The following TMEM106C variants were observed in gnomAD, a reference collection of about 807,000 sequenced individuals.
The protein encoded by TMEM106C is transmembrane protein 106C, also known as endoplasmic reticulum membrane protein overexpressed in cancer.
TMEM106C carries 27 observed loss-of-function variants against 30.8 expected under a neutral mutation model. The observed-to-expected ratio is 0.88, with a 90% CI of 0.65 to 1.21. The LOEUF (loss-of-function observed/expected upper bound fraction) is 1.21. Ranked by LOEUF, TMEM106C falls within the 50% of genes most tolerant of loss-of-function variation. The probability of loss-of-function intolerance (pLI) is 0.00; values close to 1 mark genes in which losing one functional copy is unlikely to be tolerated. For synonymous variants in TMEM106C, 123 were observed against 118.8 expected (o/e 1.04, Z -0.23); for missense variants, 288 against 307.8 (o/e 0.94, Z 0.48).
At chr12:47,965,222 C>G (rs537817537) in intron 2 of TMEM106C, 60 bp from the exon 3 acceptor site, 11 of 1,384,136 alleles carry the variant, frequency 7.9e-6, no homozygotes, top group Non-Finnish European at 1.1e-5. Context: ...TCAAGTGAGA[C>G]GTGAAGGAAG....
chr12:47,965,454 C>G, intron 3 of TMEM106C, 109 bp downstream of exon 3: 1 of 1,032,860 alleles, frequency 9.7e-7, no homozygotes, highest in South Asian at 1.4e-5. Context: ...CTTATAAGTT[C>G]CCCATTTTCC....
rs775737747 is a variant in TMEM106C at position 47,966,734 on chromosome 12, T to C, written c.602+2T>C. Reference sequence around the variant, plus strand: ...GGGAGGACCGTTTTCCTATGTGTAGTAAGGACACTGTTCTCTCTGTGTGTG... The same window carrying C: ...GGGAGGACCGTTTTCCTATGTGTAGCAAGGACACTGTTCTCTCTGTGTGTG... On this transcript the variant is annotated splice_donor_variant, in intron 6 of 7. Transcript: ENST00000429772. LOFTEE classifies it high-confidence loss of function. 2 of 1,614,094 alleles carry C rather than the reference T, an allele frequency of 1.2e-6. No homozygotes were observed. The highest frequency in any genetic ancestry group is 1.7e-6 in the Non-Finnish European group (2 of 1,179,970).
chr12:47,964,873 A>G (rs1182606530), intron 2 of TMEM106C: 2 of 250,468 alleles, frequency 8.0e-6, no homozygotes, highest in Non-Finnish European at 1.5e-5. Context: ...ATCTATTACT[A>G]TTAACAAATT....
intron 2 of TMEM106C, chr12:47,964,689 T>C: frequency 2.1e-6 from 1 of 468,312 alleles, no homozygotes; most frequent in Non-Finnish European, 3.9e-6. Context: ...GTTGTGGGAT[T>C]TGTTGACAGG....
chr12:47,966,264 CCTAAGAG>C (rs1425561228), intron 5 of TMEM106C, 35 bp downstream of exon 5: 10 of 1,611,116 alleles, frequency 6.2e-6, no homozygotes, highest in Non-Finnish European at 8.5e-6. Flanking sequence ...GCCCCACAGG[CCTAAGAG>C]AAGAGTAGGG....
At position 47,965,365 on chromosome 12, in the gene TMEM106C, C is replaced by G; in HGVS notation, c.251+20C>G. ...GCGAACGTGAGTTACCTGCTTCTCACCTGTTAATACCTACTTCTGTCCCTA... is the reference window on the plus strand; with the variant it reads ...GCGAACGTGAGTTACCTGCTTCTCAGCTGTTAATACCTACTTCTGTCCCTA... On this transcript the variant is annotated intron_variant, in intron 3 of 7. Transcript: ENST00000429772. 1 of 1,604,658 alleles carries G rather than the reference C, an allele frequency of 6.2e-7. No homozygotes were observed. The highest frequency in any genetic ancestry group is 2.2e-5 in the East Asian group (1 of 44,846).
chr12:47,967,348 C>A lies in TMEM106C; in HGVS notation c.656+87C>A, dbSNP rs1185482592. On this transcript the variant is annotated intron_variant, in intron 7 of 7. Coordinates refer to ENST00000429772, the MANE Select transcript of TMEM106C (RefSeq NM_001143842.2). Reference sequence around the variant, plus strand: ...AGGAGGCCCCTGTGTGACCACAGGGCAGAGGCACCTAGCCCGAGGGGACAC... The same window carrying A: ...AGGAGGCCCCTGTGTGACCACAGGGAAGAGGCACCTAGCCCGAGGGGACAC... 15 of 1,371,492 alleles carry A rather than the reference C, an allele frequency of 1.1e-5. No individual in the cohort carries two copies. The Admixed American group carries it at 2.2e-4, about 20-fold the overall frequency. 85.0% of individuals were successfully genotyped at this position (1,371,492 alleles called of 1,614,324 possible). A position where few individuals can be genotyped will look rare whatever the true frequency, so the allele number is the denominator to read the frequency against.
At chr12:47,965,456 C>G in intron 3 of TMEM106C, 111 bp downstream of exon 3, 2 of 1,028,960 alleles carry the variant, frequency 1.9e-6, no homozygotes, top group Non-Finnish European at 2.9e-6. Context: ...TATAAGTTCC[C>G]CATTTTCCTT....
chr12:47,965,301 G>A lies in TMEM106C; in HGVS notation c.207G>A (p.Val69=), dbSNP rs1938185521. The A allele has an allele frequency of 6.2e-7, 1 of 1,613,900 alleles. No homozygotes were observed. Among genetic ancestry groups the A allele is most frequent in the South Asian group, 1.1e-5 (1 of 91,034 alleles). Residue 69 remains valine, a synonymous_variant, in exon 3 of 8, where the codon GTG becomes GTA. Transcript: ENST00000429772. The part of the protein sequence containing the change: ...YIPTEQVNEL[V]ALIPHSDQRL... ...TTCTAGAGCAAGTAAATGAGTTGGT[G>A]GCTTTGATCCCACACAGTGATCAGA...
In TMEM106C at chr12:47,968,255, G is replaced by A. The variant is rs933663945; in HGVS notation, c.*26G>A. ...CAACTGCTATTGGTTCTTCCACACA[G>A]CGCCTGTAGAAGAGAGCACAGCATA... On this transcript the variant is annotated 3_prime_UTR_variant, in exon 8 of 8. Transcript: ENST00000429772. The A allele has an allele frequency of 8.6e-5, 133 of 1,552,550 alleles. No homozygotes were observed. The highest frequency in any genetic ancestry group is 1.2e-4 in the Non-Finnish European group (130 of 1,125,406).
intron 5 of TMEM106C, 186 bp downstream of exon 5, chr12:47,966,415 G>C (rs1938226003): frequency 2.7e-6 from 2 of 738,394 alleles, no homozygotes; most frequent in African/African-American, 3.6e-5. Context: ...TATCATTTAA[G>C]CATTTGGGGA....
chr12:47,966,169 A>C lies in TMEM106C; in HGVS notation c.492A>C (p.Thr164=), dbSNP rs1258207817. The C allele has an allele frequency of 1.9e-6, 3 of 1,614,228 alleles. No homozygotes were observed. The South Asian group carries it at 3.3e-5, about 18-fold the overall frequency. The change falls in exon 5 of 8, where the codon ACA becomes ACC. Residue 164 remains threonine (T), a synonymous_variant. Coordinates refer to ENST00000429772, the MANE Select transcript of TMEM106C (RefSeq NM_001143842.2). Reference sequence around the variant, plus strand: ...CCAGCCAGATTCAGTACATGAACACAGTGGTCAGTACATATGTGACTACTA... The same window carrying C: ...CCAGCCAGATTCAGTACATGAACACCGTGGTCAGTACATATGTGACTACTA... ...SLSSQIQYMN[T]VVSTYVTTNV...
chr12:47,964,066 C>T (rs973417598), intron 1 of TMEM106C, 143 bp from the exon 2 acceptor site: 3 of 658,976 alleles, frequency 4.6e-6, no homozygotes, highest in South Asian at 1.9e-5. Flanking sequence ...AAATGAGGGT[C>T]CCGATAGAAA....
At chr12:47,966,342 G>A in intron 5 of TMEM106C, 113 bp downstream of exon 5, 1 of 1,295,466 alleles carries the variant, frequency 7.7e-7, no homozygotes, top group Non-Finnish European at 1.1e-6. Context: ...CTACTTGTAG[G>A]AACTGGTGAT....
intron 7 of TMEM106C, among the ~76,000 whole-genome samples, chr12:47,967,680 G>T (rs540924005): frequency 6.6e-6 from 1 of 152,292 alleles, no homozygotes; most frequent in African/African-American, 2.4e-5. Context: ...CAAGTGACAA[G>T]ACTCTGCTGC....
chr12:47,966,553 T>C, intron 5 of TMEM106C, 130 bp from the exon 6 acceptor site: 1 of 1,049,980 alleles, frequency 9.5e-7, no homozygotes, highest in African/African-American at 1.6e-5. Flanking sequence ...TAGACTATAT[T>C]AGGGACAATC....
intron 3 of TMEM106C, chr12:47,965,554 A>G: frequency 1.5e-6 from 1 of 646,642 alleles, no homozygotes; most frequent in Non-Finnish European, 2.7e-6. Flanking sequence ...AAGGTCAAGG[A>G]ATGGAATCAG....
Position 47,966,191 on chromosome 12 carries a change from A to ACGT in TMEM106C, c.515_516insGTC (p.Thr172_Asn173insSer). ...CACAGTGGTCAGTACATATGTGACT[A>ACGT]CTAACGTCTCCCTTATTCCACCTCG... On this transcript the variant is annotated inframe_insertion, in exon 5 of 8. Coordinates refer to ENST00000429772, the MANE Select transcript of TMEM106C (RefSeq NM_001143842.2). The ACGT allele has an allele frequency of 6.2e-7, 1 of 1,614,184 alleles. No homozygotes were observed. The highest frequency in any genetic ancestry group is 8.5e-7 in the Non-Finnish European group (1 of 1,180,028).
intron 2 of TMEM106C, 76 bp from the exon 3 acceptor site, chr12:47,965,206 G>T: frequency 8.6e-7 from 1 of 1,159,214 alleles, no homozygotes; most frequent in Non-Finnish European, 1.3e-6. Flanking sequence ...ATTTGTTGTG[G>T]CAGGCTCAAG....
Sources: allele counts gnomAD v4.1 joint callset (sites outside exome capture counted in the v4.1 genomes callset), GRCh38; gene constraint gnomAD v4.1.1; transcripts MANE v1.5; gene names NCBI Gene and HGNC (gene_info 2026-07-23, HGNC 2026-07-21).